Variants in MRPS31 observed in about 807,000 individuals in gnomAD.
MRPS31 encodes the protein mitochondrial ribosomal protein S31, also known as small ribosomal subunit protein mS31.
In MRPS31, 32 loss-of-function variants were observed where a neutral mutation model predicts 43.1. The observed-to-expected ratio is 0.74, with a 90% CI of 0.56 to 1.00. The LOEUF (loss-of-function observed/expected upper bound fraction) is 1.00, where lower values mean the gene tolerates loss of function less well. Ranked by LOEUF, MRPS31 falls within the 50% of genes least tolerant of loss-of-function variation. MRPS31 has a pLI of 0.00. For missense variants in MRPS31, 437 were observed against 466.7 expected (o/e 0.94, Z 0.59); for synonymous variants, 165 against 161.6 (o/e 1.02, Z -0.16).
chr13:40,735,632 C>T (rs1178026117), intron 6 of MRPS31, among the ~76,000 whole-genome samples: 2 of 151,894 alleles, frequency 1.3e-5, no homozygotes, highest in Admixed American at 6.6e-5. Context: ...CCCTGACCCC[C>T]GAGCAGCCTA....
At chr13:40,755,350 A>G (rs888834635) in intron 4 of MRPS31, among the ~76,000 whole-genome samples, 1 of 152,258 alleles carries the variant, frequency 6.6e-6, no homozygotes, top group African/African-American at 2.4e-5. Context: ...GCCTTGATAA[A>G]GTATTGAATT....
At chr13:40,764,173 G>A (rs998824590) in intron 2 of MRPS31, among the ~76,000 whole-genome samples, 11 of 152,142 alleles carry the variant, frequency 7.2e-5, no homozygotes, top group African/African-American at 2.7e-4. Context: ...CAGGGGTTGG[G>A]GGGAGGTGGG....
chr13:40,742,928 T>C (rs879333910), intron 6 of MRPS31, among the ~76,000 whole-genome samples: 3 of 152,128 alleles, frequency 2.0e-5, no homozygotes, highest in African/African-American at 4.8e-5. Context: ...GGCTTAAATG[T>C]GAAATCTCAA....
At chr13:40,761,794 T>C (rs1049830185) in intron 2 of MRPS31, among the ~76,000 whole-genome samples, 1 of 152,060 alleles carries the variant, frequency 6.6e-6, no homozygotes, top group Non-Finnish European at 1.5e-5. Context: ...ACTGAGTGGA[T>C]ACTTAAATTG....
intron 6 of MRPS31, among the ~76,000 whole-genome samples, chr13:40,732,304 C>A (rs551813085): frequency 6.6e-6 from 1 of 152,318 alleles, no homozygotes; most frequent in East Asian, 1.9e-4. Flanking sequence ...CATGGCCTTC[C>A]TCTCAAGTAT....
In MRPS31 at chr13:40,766,796, T is replaced by A; in HGVS notation, c.390A>T (p.Glu130Asp). The A allele has an allele frequency of 6.8e-6, 11 of 1,613,770 alleles. No homozygotes were observed. Among genetic ancestry groups the A allele is most frequent in the Non-Finnish European group, 9.3e-6 (11 of 1,179,950 alleles). ...CTCTTCGAAGCCTGCCAAGTGTAGC[T>A]TCCAAACTTTTAAGTGGTCTTCTTT... ...PPKRRPLKSL[E>D]ATLGRLRRAT... Residue 130 changes from glutamate (E) to aspartate (D), a missense_variant, in exon 2 of 7, where the codon GAA becomes GAT. Physicochemically the swap from Glu to Asp is conservative, Grantham distance 45. Transcript: ENST00000323563.
In MRPS31 at chr13:40,734,648, C is replaced by A. The variant is rs141592260; in HGVS notation, c.959-5047G>T. 8.3e-3 allele frequency among the ~76,000 whole-genome samples: 1,261 copies of A among 152,186 alleles called. 25 individuals are homozygous for A. The highest frequency in any genetic ancestry group is 0.028 in the African/African-American group (1,182 of 41,508). On this transcript the variant is annotated intron_variant, in intron 6 of 6. Coordinates refer to ENST00000323563, the MANE Select transcript of MRPS31 (RefSeq NM_005830.4). ...GGGAACAGTGGCTTACACCTGTAAT[C>A]CCAGCACTTTGGGAGGCCAAGCCAG...
chr13:40,741,085 G>GAT (rs1008596867), intron 6 of MRPS31, among the ~76,000 whole-genome samples: 1 of 150,878 alleles, frequency 6.6e-6, no homozygotes, highest in Non-Finnish European at 1.5e-5. Flanking sequence ...ATGAGGAGAA[G>GAT]ATATATATAC....
intron 6 of MRPS31, among the ~76,000 whole-genome samples, chr13:40,743,014 T>C (rs1880144677): frequency 6.6e-6 from 1 of 151,730 alleles, no homozygotes; most frequent in Non-Finnish European, 1.5e-5. Flanking sequence ...CACGACAAAG[T>C]CAAAAAGCAA....
intron 6 of MRPS31, among the ~76,000 whole-genome samples, chr13:40,748,252 G>A (rs1332274343): frequency 6.6e-6 from 1 of 152,098 alleles, no homozygotes; most frequent in Admixed American, 6.6e-5. Flanking sequence ...CTGCCTCCCG[G>A]GTTCAAACGA....
chr13:40,761,159 T>C (rs1219782380), intron 2 of MRPS31, among the ~76,000 whole-genome samples: 1 of 151,224 alleles, frequency 6.6e-6, no homozygotes, highest in Non-Finnish European at 1.5e-5. Flanking sequence ...TCCCAGCTAC[T>C]GGTGAGGCTG....
chr13:40,758,530 A>G (rs1880599017), intron 3 of MRPS31, among the ~76,000 whole-genome samples: 1 of 152,234 alleles, frequency 6.6e-6, no homozygotes, highest in African/African-American at 2.4e-5. Flanking sequence ...GAAGAGAGTA[A>G]GTGGAATGAT....
At chr13:40,750,753 T>TAC (rs1301516292) in intron 5 of MRPS31, among the ~76,000 whole-genome samples, 13 of 132,194 alleles carry the variant, frequency 9.8e-5, no homozygotes, top group Non-Finnish European at 1.9e-4. Flanking sequence ...TATATATATA[T>TAC]ATATATATAT....
intron 3 of MRPS31, among the ~76,000 whole-genome samples, chr13:40,758,666 GTTAT>G (rs1478602743): frequency 1.3e-5 from 2 of 152,172 alleles, no homozygotes; most frequent in South Asian, 2.1e-4. Flanking sequence ...ACTTTATTCT[GTTAT>G]TTATTTTTAA....
intron 6 of MRPS31, among the ~76,000 whole-genome samples, chr13:40,747,387 T>C (rs978511737): frequency 2.0e-5 from 3 of 152,160 alleles, no homozygotes; most frequent in African/African-American, 7.2e-5. Flanking sequence ...AGGATACTGA[T>C]ACCCAGGAGC....
intron 2 of MRPS31, 103 bp downstream of exon 2, chr13:40,766,643 C>T: frequency 2.6e-6 from 3 of 1,139,882 alleles, no homozygotes; most frequent in Non-Finnish European, 3.7e-6. Context: ...ATTTATTCTT[C>T]ATTAATTCAA....
intron 6 of MRPS31, among the ~76,000 whole-genome samples, chr13:40,741,526 T>C (rs1880090743): frequency 6.6e-6 from 1 of 152,070 alleles, no homozygotes; most frequent in Non-Finnish European, 1.5e-5. Flanking sequence ...GAAATGCAAA[T>C]AAAAACACCA....
intron 4 of MRPS31, among the ~76,000 whole-genome samples, chr13:40,754,801 G>T (rs553249223): frequency 6.6e-6 from 1 of 152,330 alleles, no homozygotes; most frequent in East Asian, 1.9e-4. Context: ...GGCCAAGGCA[G>T]GTAGATTACC....
At position 40,746,670 on chromosome 13, in the gene MRPS31, G is replaced by A. The variant is rs536791962; in HGVS notation, c.958+2468C>T. On this transcript the variant is annotated intron_variant, in intron 6 of 6. Transcript: ENST00000323563. ...GCTGATGACAACATACCATGAGTTC[G>A]TGCTTTCCTAACACCCTATTTGGTG... Among the ~76,000 whole-genome samples the A allele has an allele frequency of 1.7e-3, 257 of 152,256 alleles. 1 individual carries two copies. Among genetic ancestry groups the A allele is most frequent in the African/African-American group, 5.8e-3 (241 of 41,558 alleles).
Sources: gnomAD v4.1 joint callset for allele counts (sites outside exome capture counted in the v4.1 genomes callset) on GRCh38, gnomAD v4.1.1 for gene constraint, MANE v1.5 for transcripts, NCBI Gene and HGNC (gene_info 2026-07-23, HGNC 2026-07-21) for gene names.